Variants in STARD3NL observed in about 807,000 individuals in gnomAD.
The protein encoded by STARD3NL is STARD3 N-terminal-like protein.
In STARD3NL, 17 loss-of-function variants were observed where a neutral mutation model predicts 30.9. The ratio of observed to expected loss-of-function variants is 0.55; its 90% CI spans 0.38 to 0.82. The LOEUF is 0.82. Among genes scored for constraint, STARD3NL ranks in the 40% least tolerant of loss-of-function variants. The pLI, the probability that STARD3NL is intolerant of heterozygous loss-of-function variation, is 0.00. For synonymous variants in STARD3NL, 112 were observed against 100.5 expected, an observed-to-expected ratio of 1.11 and a Z score of -0.69; for missense variants, 234 against 277.6, an observed-to-expected ratio of 0.84 and a Z score of 1.12.
chr7:38,189,369 T>C (rs187207318), intron 1 of STARD3NL, among the ~76,000 whole-genome samples: 1 of 152,216 alleles, frequency 6.6e-6, no homozygotes, highest in African/African-American at 2.4e-5. Context: ...GGAAGTGCAG[T>C]TGAAATGTGC....
intron 1 of STARD3NL, among the ~76,000 whole-genome samples, chr7:38,180,672 T>G (rs1464489514): frequency 6.6e-6 from 1 of 152,172 alleles, no homozygotes; most frequent in Non-Finnish European, 1.5e-5. Flanking sequence ...TCCCATTAGG[T>G]TTACTTCAAA....
intron 1 of STARD3NL, among the ~76,000 whole-genome samples, chr7:38,199,222 C>T (rs1160316247): frequency 6.6e-6 from 1 of 152,230 alleles, no homozygotes; most frequent in African/African-American, 2.4e-5. Context: ...TTAGCACCCT[C>T]TTTAGAGAGG....
At chr7:38,206,373 G>A (rs978666385) in intron 1 of STARD3NL, among the ~76,000 whole-genome samples, 15 of 152,164 alleles carry the variant, frequency 9.9e-5, no homozygotes, top group African/African-American at 3.6e-4. Flanking sequence ...TAGGAGTTCA[G>A]TAGAGCCAGG....
At chr7:38,190,108 T>TA (rs1458117500) in intron 1 of STARD3NL, among the ~76,000 whole-genome samples, 1 of 152,170 alleles carries the variant, frequency 6.6e-6, no homozygotes, top group East Asian at 1.9e-4. Flanking sequence ...AAACAACAGA[T>TA]AGTACCAAAC....
At chr7:38,196,180 TATTAA>T (rs1015384240) in intron 1 of STARD3NL, among the ~76,000 whole-genome samples, 1 of 152,212 alleles carries the variant, frequency 6.6e-6, no homozygotes, top group African/African-American at 2.4e-5. Context: ...TGCAGAGGAT[TATTAA>T]ATTAAATTGT....
intron 7 of STARD3NL, among the ~76,000 whole-genome samples, chr7:38,228,104 T>C (rs1786886887): frequency 1.3e-5 from 2 of 152,248 alleles, no homozygotes; most frequent in African/African-American, 4.8e-5. Flanking sequence ...CATGCATTTT[T>C]CATGTTATAA....
intron 1 of STARD3NL, among the ~76,000 whole-genome samples, chr7:38,181,729 T>C (rs1279368604): frequency 6.6e-6 from 1 of 152,232 alleles, no homozygotes; most frequent in Non-Finnish European, 1.5e-5. Flanking sequence ...ACATCCTGGC[T>C]ATCTCTATTC....
intron 1 of STARD3NL, among the ~76,000 whole-genome samples, chr7:38,199,178 G>A (rs1241807689): frequency 6.6e-6 from 1 of 152,178 alleles, no homozygotes; most frequent in Non-Finnish European, 1.5e-5. Flanking sequence ...CTGAATTGCA[G>A]ATTTAGCTTC....
intron 7 of STARD3NL, among the ~76,000 whole-genome samples, chr7:38,227,976 G>T (rs2116460129): frequency 6.6e-6 from 1 of 152,030 alleles, no homozygotes; most frequent in Admixed American, 6.5e-5. Flanking sequence ...AAGTTACGTG[G>T]TTATTTTCTT....
chr7:38,199,221 T>C (rs753440727), intron 1 of STARD3NL, among the ~76,000 whole-genome samples: 5 of 152,202 alleles, frequency 3.3e-5, no homozygotes, highest in Admixed American at 2.6e-4. Flanking sequence ...CTTAGCACCC[T>C]CTTTAGAGAG....
At chr7:38,198,269 G>A (rs1785016439) in intron 1 of STARD3NL, 2 of 152,256 alleles carry the variant, frequency 1.3e-5, no homozygotes, top group South Asian at 4.1e-4. Context: ...AGATCAGGCT[G>A]GCAAAGTCAA....
At chr7:38,186,412 T>C (rs1352376552) in intron 1 of STARD3NL, among the ~76,000 whole-genome samples, 1 of 152,192 alleles carries the variant, frequency 6.6e-6, no homozygotes, top group East Asian at 1.9e-4. Flanking sequence ...ATTTTGTACT[T>C]GTGGAAGTGA....
chr7:38,219,422 G>T, intron 6 of STARD3NL, 143 bp from the exon 7 acceptor site: 1 of 544,196 alleles, frequency 1.8e-6, no homozygotes, highest in Non-Finnish European at 3.3e-6. Context: ...GAAACTTATT[G>T]TTTGGTTGAA....
chr7:38,228,768 CT>C, intron 7 of STARD3NL, 30 bp from the exon 8 acceptor site: 1 of 1,591,036 alleles, frequency 6.3e-7, no homozygotes, highest in South Asian at 1.1e-5. Context: ...GAATGAAATA[CT>C]TTTTCTTTGT....
chr7:38,227,615 T>C (rs1375415944), intron 7 of STARD3NL, among the ~76,000 whole-genome samples: 1 of 152,208 alleles, frequency 6.6e-6, no homozygotes, highest in Non-Finnish European at 1.5e-5. Context: ...CTTTTACGTG[T>C]GAATTGATGG....
intron 1 of STARD3NL, among the ~76,000 whole-genome samples, chr7:38,196,274 T>C (rs923585589): frequency 6.6e-6 from 1 of 152,210 alleles, no homozygotes; most frequent in Admixed American, 6.5e-5. Context: ...ATGACACTCC[T>C]TTTCCTGTGT....
chr7:38,183,608 T>C (rs1784333688), intron 1 of STARD3NL, among the ~76,000 whole-genome samples: 1 of 152,180 alleles, frequency 6.6e-6, no homozygotes, highest in African/African-American at 2.4e-5. Context: ...TCAAAATATA[T>C]TGGAAAGAAA....
At chr7:38,199,371 A>C (rs1261788983) in intron 1 of STARD3NL, among the ~76,000 whole-genome samples, 1 of 152,266 alleles carries the variant, frequency 6.6e-6, no homozygotes, top group African/African-American at 2.4e-5. Context: ...TCCTGAATTC[A>C]ACAGAGATTG....
intron 7 of STARD3NL, among the ~76,000 whole-genome samples, chr7:38,223,422 G>A (rs1583830782): frequency 6.6e-6 from 1 of 152,314 alleles, no homozygotes; most frequent in African/African-American, 2.4e-5. Context: ...CAGTTATGAA[G>A]CTGAAGAAAG....
Sources: allele counts gnomAD v4.1 joint callset (sites outside exome capture counted in the v4.1 genomes callset), GRCh38; gene constraint gnomAD v4.1.1; transcripts MANE v1.5; gene names NCBI Gene and HGNC (gene_info 2026-07-23, HGNC 2026-07-21).